Variants in RPH3AL observed in about 807,000 individuals in gnomAD.
RPH3AL encodes rab effector Noc2.
A neutral mutation model predicts 43.1 loss-of-function variants in RPH3AL; 38 were observed. The observed-to-expected ratio is 0.88, with a 90% confidence interval of 0.68 to 1.15. The LOEUF is 1.15. RPH3AL is among the 50% of genes most tolerant of loss of function. The pLI is 0.00. For missense variants in RPH3AL, 462 were observed against 423.2 expected (o/e 1.09, Z -0.81); for synonymous variants, 189 against 176.3 (o/e 1.07, Z -0.57).
In RPH3AL at chr17:345,736, C is replaced by T. The variant is rs1316122820; in HGVS notation, c.-213+6976G>A. On this transcript the variant is annotated intron_variant, in intron 1 of 9. Transcript: ENST00000331302. ...TCTGCGTGCATACCCTACTGGGGCA[C>T]GCGTGCTCCCCATCTGCGTGCACAC... Among the ~76,000 whole-genome samples the T allele has an allele frequency of 3.2e-5, 4 of 123,558 alleles. 1 individual carries two copies. The highest frequency in any genetic ancestry group is 2.3e-4 in the Admixed American group (3 of 13,138). The allele number at this position is 123,558 out of a possible 152,430, so 81.1% of individuals were successfully genotyped here. A position where few individuals can be genotyped will look rare whatever the true frequency, so the allele number is the denominator to read the frequency against.
At chr17:273,880 T>C (rs2042590897) in intron 6 of RPH3AL, among the ~76,000 whole-genome samples, 1 of 152,186 alleles carries the variant, frequency 6.6e-6, no homozygotes, top group African/African-American at 2.4e-5. Context: ...TAACCAGCTT[T>C]CAGCTCCTTA....
chr17:341,633 AT>A lies in RPH3AL; in HGVS notation c.-212-7700del, dbSNP rs530147105. 1.3e-3 allele frequency among the ~76,000 whole-genome samples: 203 copies of A among 152,326 alleles called. 1 individual carries two copies. The highest frequency in any genetic ancestry group is 4.5e-3 in the African/African-American group (189 of 41,572). ...ACACCAAAAAATAGGTGTCATCTAC[AT>A]TTTGGTGTCATCTAAGATTTGGCAA... On this transcript the variant is annotated intron_variant, in intron 1 of 9. Coordinates refer to ENST00000331302, the MANE Select transcript of RPH3AL (RefSeq NM_006987.4).
In RPH3AL at chr17:245,187, CTG is replaced by C. The variant is rs374548726; in HGVS notation, c.613+1922_613+1923del. 1.3e-3 allele frequency among the ~76,000 whole-genome samples: 173 copies of C among 132,916 alleles called. No individual in the cohort carries two copies. The highest frequency in any genetic ancestry group is 4.6e-3 in the African/African-American group (160 of 34,914). The allele number at this position is 132,916 out of a possible 152,430, so 87.2% of individuals were successfully genotyped here. A position where few individuals can be genotyped will look rare whatever the true frequency, so the allele number is the denominator to read the frequency against. The stretch of plus-strand genomic sequence containing the variant: ...GATGTGTCTGTGTGTACGTGGATGT[CTG>C]TGTGTGTGGATGTGAGCGTGTGTGT... On this transcript the variant is annotated intron_variant, in intron 7 of 9. Coordinates refer to ENST00000331302, the MANE Select transcript of RPH3AL (RefSeq NM_006987.4). The surrounding 1 kb of genome is among the most constrained non-coding windows in gnomAD (Gnocchi z 5.9).
At chr17:226,691 C>A (rs1473060970) in intron 7 of RPH3AL, among the ~76,000 whole-genome samples, 1 of 152,210 alleles carries the variant, frequency 6.6e-6, no homozygotes, top group Non-Finnish European at 1.5e-5. Context: ...TTTCTTCTTC[C>A]TCCCTCCATT....
chr17:279,244 G>C (rs573305350), intron 6 of RPH3AL, among the ~76,000 whole-genome samples: 15 of 152,164 alleles, frequency 9.9e-5, no homozygotes, highest in Non-Finnish European at 1.8e-4. Flanking sequence ...CAAGCAGGCA[G>C]AAAAATCCAG....
chr17:321,484 C>A, intron 3 of RPH3AL, 69 bp from the exon 4 acceptor site: 1 of 1,455,224 alleles, frequency 6.9e-7, no homozygotes, highest in East Asian at 2.5e-5. Context: ...CCTACCACAT[C>A]CACCAAGCCC....
At chr17:281,438 A>G (rs1478348028) in intron 6 of RPH3AL, among the ~76,000 whole-genome samples, 1 of 152,044 alleles carries the variant, frequency 6.6e-6, no homozygotes, top group Admixed American at 6.6e-5. Flanking sequence ...CTGTTACCAT[A>G]ATAACAGCCC....
chr17:243,649 ACC>A (rs68089448), intron 7 of RPH3AL, among the ~76,000 whole-genome samples: 2,342 of 32,800 alleles, frequency 0.071, 14 homozygotes, highest in African/African-American at 0.18. Flanking sequence ...TCTATTGATT[ACC>A]CTTCCTCTAT....
intron 6 of RPH3AL, among the ~76,000 whole-genome samples, chr17:263,305 T>C (rs1420454711): frequency 6.6e-6 from 1 of 152,018 alleles, no homozygotes; most frequent in Non-Finnish European, 1.5e-5. Context: ...CCGAAAGTAA[T>C]AACACAACGA....
At position 315,454 on chromosome 17, in the gene RPH3AL, G is replaced by A. The variant is rs2043970808; in HGVS notation, c.351+3966C>T. ...GTAGTCCCTGTGCCTCACCTCCATT[G>A]ACCTGTAGTCCCTGTGCTCCCACCT... On this transcript the variant is annotated intron_variant, in intron 5 of 9. Coordinates refer to ENST00000331302, the MANE Select transcript of RPH3AL (RefSeq NM_006987.4). Among the ~76,000 whole-genome samples, 8 of 144,266 alleles carry A rather than the reference G, an allele frequency of 5.5e-5. No individual in the cohort carries two copies. In the South Asian group the frequency reaches 1.3e-3, roughly 24 times the overall value. The allele number at this position is 144,266 out of a possible 152,430, so 94.6% of individuals were successfully genotyped here. A position where few individuals can be genotyped will look rare whatever the true frequency, so the allele number is the denominator to read the frequency against.
At chr17:299,965 CCGCAGAA>C (rs2043280962) in intron 5 of RPH3AL, among the ~76,000 whole-genome samples, 8 of 151,392 alleles carry the variant, frequency 5.3e-5, no homozygotes, top group Non-Finnish European at 8.8e-5. Context: ...CAGCCTAGGC[CCGCAGAA>C]TCTCTCACCC....
In RPH3AL at chr17:270,178, C is replaced by T. The variant is rs890167690; in HGVS notation, c.438+11590G>A. ...ACGGTGGGGTGCTCAGGCAGCCGCC[C>T]GCCCCAGCACCAGCCACCCACTCCC... On this transcript the variant is annotated intron_variant, in intron 6 of 9. Transcript: ENST00000331302. Among the ~76,000 whole-genome samples, 9 of 152,166 alleles carry T rather than the reference C, an allele frequency of 5.9e-5. No homozygotes were observed. The South Asian group carries it at 8.3e-4, about 14-fold the overall frequency.
At chr17:223,325 G>A (rs192262535) in intron 7 of RPH3AL, among the ~76,000 whole-genome samples, 449 of 152,264 alleles carry the variant, frequency 2.9e-3, no homozygotes, top group Non-Finnish European at 5.1e-3. Context: ...AACAGCACAG[G>A]AAGGTCTGGA....
intron 3 of RPH3AL, among the ~76,000 whole-genome samples, chr17:324,842 C>T (rs1204717516): frequency 6.6e-6 from 1 of 152,232 alleles, no homozygotes; most frequent in East Asian, 1.9e-4. Flanking sequence ...TCTCCTGCCT[C>T]AGCCTCCTGA....
chr17:235,269 C>CAGGGGA (rs2041341765), intron 7 of RPH3AL, among the ~76,000 whole-genome samples: 1 of 136,952 alleles, frequency 7.3e-6, no homozygotes, highest in African/African-American at 2.8e-5. Context: ...AAGCTGGGGT[C>CAGGGGA]GGCCGAGGCT....
At chr17:218,014 C>CCTTT (rs1555529757) in intron 8 of RPH3AL, among the ~76,000 whole-genome samples, 31 of 75,234 alleles carry the variant, frequency 4.1e-4, no homozygotes, top group African/African-American at 1.3e-3. Context: ...ATTACAGAGC[C>CCTTT]CTTCTTCTGC....
intron 9 of RPH3AL, among the ~76,000 whole-genome samples, chr17:214,454 A>G (rs1024845038): frequency 5.9e-5 from 9 of 152,200 alleles, no homozygotes; most frequent in African/African-American, 2.2e-4. Context: ...CCGATATTTC[A>G]CTGTTTTTGA....
chr17:260,461 T>G (rs539675628), intron 6 of RPH3AL, among the ~76,000 whole-genome samples: 1 of 152,158 alleles, frequency 6.6e-6, no homozygotes, highest in African/African-American at 2.4e-5. Flanking sequence ...ACCGACCACA[T>G]GAACAAAGAA....
chr17:217,794 TGAGGACCCCCAAGGCA>T, intron 8 of RPH3AL, among the ~76,000 whole-genome samples: 3 of 74,714 alleles, frequency 4.0e-5, no homozygotes, highest in Admixed American at 1.3e-4. Context: ...CTCGCTGAAA[TGAGGACCCCCAAGGCA>T]TTTCATTCCC....
Sources: allele counts gnomAD v4.1 joint callset (sites outside exome capture counted in the v4.1 genomes callset), GRCh38; gene constraint gnomAD v4.1.1; non-coding constraint Gnocchi (gnomAD v3.1); transcripts MANE v1.5; gene names NCBI Gene and HGNC (gene_info 2026-07-23, HGNC 2026-07-21).